Variants in SPATA9 observed in about 807,000 individuals in gnomAD.
SPATA9 encodes spermatogenesis associated 9, also known as spermatogenesis-associated protein 9.
In SPATA9, 27 loss-of-function variants were observed where a neutral mutation model predicts 25.5. The ratio of observed to expected loss-of-function variants is 1.06; its 90% CI spans 0.78 to 1.46. SPATA9 has a LOEUF of 1.46. SPATA9 is among the 40% of genes most tolerant of loss of function. SPATA9 has a pLI of 0.00. For synonymous variants in SPATA9, 102 were observed against 105.7 expected, an observed-to-expected ratio of 0.97 and a Z score of 0.21; for missense variants, 282 against 297.5, an observed-to-expected ratio of 0.95 and a Z score of 0.38.
At chr5:95,662,152 A>C (rs1751325872) in intron 4 of SPATA9, among the ~76,000 whole-genome samples, 1 of 152,154 alleles carries the variant, frequency 6.6e-6, no homozygotes, top group Non-Finnish European at 1.5e-5. Context: ...TTATGCAAAA[A>C]AGAGTATTCT....
rs1752877418 is a variant in SPATA9 at position 95,675,788 on chromosome 5, AC to A, written c.151-150del. On this transcript the variant is annotated intron_variant, in intron 2 of 4. Coordinates refer to ENST00000274432, the MANE Select transcript of SPATA9 (RefSeq NM_031952.4). ...TCCAATATTTCTGTCCCCCCATGAA[AC>A]CCCTTGAATTCCCTGCCATGTACTT... is the stretch of plus-strand genomic sequence containing the variant. 15 of 571,448 alleles carry A rather than the reference AC, an allele frequency of 2.6e-5. No individual in the cohort carries two copies. In the East Asian group the frequency reaches 4.3e-4, roughly 17 times the overall value. 35.4% of individuals were successfully genotyped at this position (571,448 alleles called of 1,614,324 possible).
the SPATA9 span, among the ~76,000 whole-genome samples, chr5:95,725,775 T>C: frequency 6.6e-6 from 1 of 152,202 alleles, no homozygotes; most frequent in African/African-American, 2.4e-5. Flanking sequence ...TTTCATGTGG[T>C]TGCTCTCATT....
chr5:95,680,323 T>C (rs148439679), intron 2 of SPATA9, among the ~76,000 whole-genome samples: 27 of 152,324 alleles, frequency 1.8e-4, no homozygotes, highest in Non-Finnish European at 2.8e-4. Context: ...CAGCAACCAT[T>C]ATTGGTGAAT....
At chr5:95,731,753 T>C in the SPATA9 span, 2 of 1,606,946 alleles carry the variant, frequency 1.2e-6, no homozygotes, top group Admixed American at 3.4e-5. Context: ...GGACAGGGGC[T>C]GGTGCCCATC....
rs148514157 is a variant in SPATA9 at position 95,658,754 on chromosome 5, G to T, written c.634C>A (p.Pro212Thr). 6.2e-7 allele frequency: 1 copy of T among 1,613,832 alleles called. No homozygotes were observed. Among genetic ancestry groups the T allele is most frequent in the South Asian group, 1.1e-5 (1 of 91,070 alleles). ...MFAEGEIKAK[P>T]YRSLPEKPDI... ...GGCTTCTCCGGCAATGACCTATAAGGTTTTGCTTTGATTTCACCTTCAGCA... is the reference window on the plus strand; with the variant it reads ...GGCTTCTCCGGCAATGACCTATAAGTTTTTGCTTTGATTTCACCTTCAGCA... Residue 212 changes from proline (P) to threonine (T), a missense_variant, in exon 5 of 5, where the codon CCT (proline) becomes ACT (threonine). Pro to Thr is a conservative substitution (Grantham distance 38). Transcript: ENST00000274432.
chr5:95,703,114 TG>T (rs1313114229), upstream of SPATA9, among the ~76,000 whole-genome samples: 1 of 152,232 alleles, frequency 6.6e-6, no homozygotes, highest in Non-Finnish European at 1.5e-5. Flanking sequence ...AAACAGTATT[TG>T]GAACATATTT....
intron 1 of SPATA9, among the ~76,000 whole-genome samples, chr5:95,693,802 A>G (rs1386714181): frequency 6.6e-6 from 1 of 152,194 alleles, no homozygotes; most frequent in Non-Finnish European, 1.5e-5. Context: ...ATCACTGTCT[A>G]GCTGAGTATC....
chr5:95,731,576 C>T, the SPATA9 span: 8 of 1,529,550 alleles, frequency 5.2e-6, no homozygotes, highest in South Asian at 1.2e-5. Context: ...GAGGGGGACG[C>T]GGCCGGGGAT....
At position 95,658,538 on chromosome 5, in the gene SPATA9, A is replaced by G; in HGVS notation, c.*85T>C. 1 of 1,480,712 alleles carries G rather than the reference A, an allele frequency of 6.8e-7. No homozygotes were observed. 91.7% of individuals were successfully genotyped at this position (1,480,712 alleles called of 1,614,324 possible). ...TTTTAAGAAAGCAGAGCAATTCAGA[A>G]TATGTAAACTAGACTCTGAGTTTTG... On this transcript the variant is annotated 3_prime_UTR_variant, in exon 5 of 5. Coordinates refer to ENST00000274432, the MANE Select transcript of SPATA9 (RefSeq NM_031952.4).
the SPATA9 span, among the ~76,000 whole-genome samples, chr5:95,723,190 A>G: frequency 4.6e-5 from 7 of 152,210 alleles, no homozygotes; most frequent in African/African-American, 1.7e-4. Context: ...ACTTAAAAAA[A>G]AAAAGATAGC....
chr5:95,695,387 C>T (rs212996), intron 1 of SPATA9, among the ~76,000 whole-genome samples: 86,995 of 152,040 alleles, frequency 0.57, 25,048 homozygotes, highest in East Asian at 0.8. Flanking sequence ...CACTTGAGGT[C>T]GGGAGTTTGA....
upstream of SPATA9, among the ~76,000 whole-genome samples, chr5:95,687,388 G>A (rs1429882381): frequency 1.3e-5 from 2 of 152,174 alleles, no homozygotes. Context: ...AGAATTTGAA[G>A]CCTTTTGTGT....
At chr5:95,724,418 ATGTT>A in the SPATA9 span, among the ~76,000 whole-genome samples, 1 of 152,252 alleles carries the variant, frequency 6.6e-6, no homozygotes, top group Admixed American at 6.5e-5. Flanking sequence ...TATTTGGAAA[ATGTT>A]TGGGGAGTTA....
the SPATA9 span, chr5:95,731,029 C>A: frequency 4.3e-6 from 4 of 932,376 alleles, no homozygotes; most frequent in Admixed American, 3.3e-5. Context: ...GCCCCACCCC[C>A]CTTTCCTGGC....
intron 3 of SPATA9, among the ~76,000 whole-genome samples, chr5:95,665,287 A>C (rs1445769269): frequency 1.3e-5 from 2 of 152,236 alleles, no homozygotes; most frequent in Non-Finnish European, 2.9e-5. Flanking sequence ...CCTACTGCGC[A>C]GTAGAACACC....
chr5:95,697,104 TCA>T (rs1754042670), intron 1 of SPATA9, among the ~76,000 whole-genome samples: 2 of 152,340 alleles, frequency 1.3e-5, no homozygotes, highest in African/African-American at 4.8e-5. Context: ...TTTTGTTATC[TCA>T]CAGTTTCTTT....
intron 1 of SPATA9, among the ~76,000 whole-genome samples, chr5:95,688,391 C>A (rs980069605): frequency 2.6e-5 from 4 of 152,162 alleles, no homozygotes; most frequent in African/African-American, 9.7e-5. Context: ...TAGCTAACTA[C>A]AGGCATGTGC....
At chr5:95,711,330 A>C in the SPATA9 span, among the ~76,000 whole-genome samples, 1 of 152,174 alleles carries the variant, frequency 6.6e-6, no homozygotes, top group East Asian at 1.9e-4. Context: ...AAAGAGAGTT[A>C]AAAGGAGCGG....
chr5:95,717,980 G>A, the SPATA9 span, among the ~76,000 whole-genome samples: 1 of 152,152 alleles, frequency 6.6e-6, no homozygotes, highest in East Asian at 1.9e-4. Context: ...AAACAATGCT[G>A]AGCAACTAAG....
Sources: allele counts gnomAD v4.1 joint callset (sites outside exome capture counted in the v4.1 genomes callset), GRCh38; gene constraint gnomAD v4.1.1; transcripts MANE v1.5; gene names NCBI Gene and HGNC (gene_info 2026-07-23, HGNC 2026-07-21).